The following NR2F1-AS1 variants were observed in gnomAD, a reference collection of about 807,000 sequenced individuals.
NR2F1-AS1 encodes NR2F1 antisense RNA 1.
intron 4 of NR2F1-AS1, chr5:93,423,085 A>G (rs1749121097): frequency 6.6e-6 from 1 of 152,170 alleles, no homozygotes. Context: ...GCACAGCAGG[A>G]ATGCTTTCAG....
At chr5:93,466,503 A>T (rs931080145) in intron 4 of NR2F1-AS1, among the ~76,000 whole-genome samples, 1 of 151,438 alleles carries the variant, frequency 6.6e-6, no homozygotes, top group African/African-American at 2.4e-5. Context: ...CGCCTGGCTA[A>T]TTTTTTATAT....
At chr5:93,486,029 C>T (rs1221068367) in intron 4 of NR2F1-AS1, among the ~76,000 whole-genome samples, 14 of 126,424 alleles carry the variant, frequency 1.1e-4, no homozygotes, top group East Asian at 2.3e-4. Context: ...AACCAAACAC[C>T]GCATATTCTC....
intron 4 of NR2F1-AS1, chr5:93,541,857 A>C (rs1306384079): frequency 6.6e-6 from 1 of 152,074 alleles, no homozygotes; most frequent in Non-Finnish European, 1.5e-5. Flanking sequence ...GGGTGTCAAA[A>C]AAAAACTCAG....
chr5:93,472,850 T>C (rs1750398113), intron 4 of NR2F1-AS1, among the ~76,000 whole-genome samples: 1 of 151,960 alleles, frequency 6.6e-6, no homozygotes, highest in African/African-American at 2.4e-5. Flanking sequence ...CAGTGATATC[T>C]AAAAATTTCC....
chr5:93,466,980 A>C (rs371810360), intron 4 of NR2F1-AS1, among the ~76,000 whole-genome samples: 1 of 143,680 alleles, frequency 7.0e-6, no homozygotes, highest in Admixed American at 7.6e-5. Flanking sequence ...AGCTCTCTGC[A>C]AACTCCACCT....
chr5:93,522,347 G>A (rs770129936), intron 4 of NR2F1-AS1, among the ~76,000 whole-genome samples: 3 of 152,042 alleles, frequency 2.0e-5, no homozygotes, highest in Non-Finnish European at 4.4e-5. Flanking sequence ...AAGTATCCCC[G>A]AACCTAAAAG....
upstream of NR2F1-AS1, among the ~76,000 whole-genome samples, chr5:93,581,672 C>CGG (rs1465013910): frequency 1.6e-3 from 29 of 18,274 alleles, no homozygotes; most frequent in Non-Finnish European, 2.7e-3. Context: ...GTCTCGGTCT[C>CGG]TCTCTCTCTC....
chr5:93,418,444 G>A (rs918584568), intron 4 of NR2F1-AS1, among the ~76,000 whole-genome samples: 3 of 152,216 alleles, frequency 2.0e-5, no homozygotes, highest in Middle Eastern at 3.4e-3. Context: ...AAAATTAGCT[G>A]GGTGTGGTGG....
chr5:93,561,749 G>C (rs1355856901), intron 2 of NR2F1-AS1, among the ~76,000 whole-genome samples: 1 of 151,908 alleles, frequency 6.6e-6, no homozygotes, highest in African/African-American at 2.4e-5. Flanking sequence ...CTCCAGCTCA[G>C]GCAACAGAGA....
intron 4 of NR2F1-AS1, among the ~76,000 whole-genome samples, chr5:93,415,926 GAGCACTTAAT>G (rs1243685724): frequency 6.6e-6 from 1 of 152,176 alleles, no homozygotes; most frequent in Non-Finnish European, 1.5e-5. Context: ...TCTTATTGAA[GAGCACTTAAT>G]AAACACACAC....
intron 4 of NR2F1-AS1, among the ~76,000 whole-genome samples, chr5:93,489,736 C>G (rs1750798057): frequency 6.6e-6 from 1 of 152,124 alleles, no homozygotes. Flanking sequence ...TGATAAAGAC[C>G]AAATCCTGTC....
chr5:93,555,569 G>A (rs1752336069), intron 2 of NR2F1-AS1, among the ~76,000 whole-genome samples: 1 of 152,160 alleles, frequency 6.6e-6, no homozygotes, highest in Non-Finnish European at 1.5e-5. Context: ...GGAAAGTGAA[G>A]TGATCATTAA....
chr5:93,575,841 G>A (rs1346045262), intron 1 of NR2F1-AS1, among the ~76,000 whole-genome samples: 1 of 152,104 alleles, frequency 6.6e-6, no homozygotes, highest in Non-Finnish European at 1.5e-5. Flanking sequence ...GTAGACGTGT[G>A]TGCATACTTA....
At chr5:93,462,277 C>T (rs747348507) in intron 4 of NR2F1-AS1, among the ~76,000 whole-genome samples, 4 of 152,136 alleles carry the variant, frequency 2.6e-5, no homozygotes, top group East Asian at 3.9e-4. Flanking sequence ...GTAAGTCTCA[C>T]GAGATCTGAT....
intron 2 of NR2F1-AS1, among the ~76,000 whole-genome samples, chr5:93,556,846 T>C (rs1017948294): frequency 1.5e-4 from 23 of 152,188 alleles, no homozygotes; most frequent in African/African-American, 5.5e-4. Context: ...TAGATTTCTG[T>C]TGAGTCAGTC....
chr5:93,573,565 T>C (rs1162867465), intron 1 of NR2F1-AS1, among the ~76,000 whole-genome samples: 2 of 152,190 alleles, frequency 1.3e-5, no homozygotes, highest in Non-Finnish European at 2.9e-5. Flanking sequence ...CTTCAGTCAG[T>C]GGCCACAATA....
chr5:93,443,018 T>G (rs1749609778), intron 4 of NR2F1-AS1, among the ~76,000 whole-genome samples: 2 of 152,110 alleles, frequency 1.3e-5, no homozygotes, highest in Non-Finnish European at 2.9e-5. Context: ...AGAAAGGACG[T>G]CCACACCAAA....
intron 4 of NR2F1-AS1, among the ~76,000 whole-genome samples, chr5:93,492,120 G>A (rs1438802560): frequency 6.6e-6 from 1 of 152,144 alleles, no homozygotes; most frequent in Non-Finnish European, 1.5e-5. Flanking sequence ...AGAGATATTA[G>A]TATTGACCTT....
chr5:93,516,642 G>C (rs1307200003), intron 4 of NR2F1-AS1, among the ~76,000 whole-genome samples: 2 of 151,790 alleles, frequency 1.3e-5, no homozygotes, highest in Non-Finnish European at 2.9e-5. Flanking sequence ...TAAGTGAACT[G>C]TCAGAGATAC....
Sources: allele counts gnomAD v4.1 joint callset (sites outside exome capture counted in the v4.1 genomes callset), GRCh38; gene constraint gnomAD v4.1.1; transcripts MANE v1.5; gene names NCBI Gene and HGNC (gene_info 2026-07-23, HGNC 2026-07-21).